Variants in FRMD4A observed in about 807,000 individuals in gnomAD.
FRMD4A encodes the protein FERM domain-containing protein 4A.
A neutral mutation model predicts 129.1 loss-of-function variants in FRMD4A; 29 were observed. That is an observed-to-expected ratio of 0.22 (90% CI 0.17 to 0.31). FRMD4A has a LOEUF of 0.31. Ranked by LOEUF, FRMD4A falls within the 10% of genes least tolerant of loss-of-function variation. FRMD4A has a pLI of 1.00. For missense variants in FRMD4A, 1,272 were observed against 1,375.8 expected, an observed-to-expected ratio of 0.92 and a Z score of 1.19; for synonymous variants, 634 against 571.6, an observed-to-expected ratio of 1.11 and a Z score of -1.56.
chr10:13,865,408 GTTTTATTTTATTTTATTTTATTTTA>G (rs56008576), intron 2 of FRMD4A, among the ~76,000 whole-genome samples: 10 of 127,100 alleles, frequency 7.9e-5, no homozygotes, highest in African/African-American at 1.7e-4. Flanking sequence ...TATTTTATTT[GTTTTATTTTATTTTATTTTATTTTA>G]TTTTATTTTA....
At chr10:13,740,120 A>G (rs1207279081) in intron 11 of FRMD4A, 74 bp downstream of exon 11, 1 of 877,454 alleles carries the variant, frequency 1.1e-6, no homozygotes, top group East Asian at 2.4e-5. Flanking sequence ...AAAAAGAAGA[A>G]AACATATAAC....
At chr10:13,819,204 G>A (rs1034103985) in intron 3 of FRMD4A, among the ~76,000 whole-genome samples, 6 of 152,020 alleles carry the variant, frequency 3.9e-5, no homozygotes, top group Non-Finnish European at 7.4e-5. Flanking sequence ...TGGTATTTAA[G>A]ACCACCCTAT....
intron 2 of FRMD4A, among the ~76,000 whole-genome samples, chr10:13,933,137 G>C (rs2095216504): frequency 6.6e-6 from 1 of 151,390 alleles, no homozygotes; most frequent in African/African-American, 2.4e-5. Context: ...CTACAGCCTG[G>C]ACAAGAGCAA....
intron 2 of FRMD4A, among the ~76,000 whole-genome samples, chr10:14,282,780 T>C (rs904330262): frequency 2.0e-5 from 3 of 152,158 alleles, no homozygotes; most frequent in African/African-American, 7.2e-5. Context: ...GATTGATCAT[T>C]TAGCTGTGGT....
intron 2 of FRMD4A, among the ~76,000 whole-genome samples, chr10:13,877,116 C>T (rs779511909): frequency 7.2e-5 from 11 of 152,278 alleles, no homozygotes; most frequent in Non-Finnish European, 1.5e-4. Flanking sequence ...TAGTCATAAT[C>T]TCCATTGCCT....
At chr10:13,792,115 G>A (rs1270059740) in intron 5 of FRMD4A, among the ~76,000 whole-genome samples, 1 of 152,118 alleles carries the variant, frequency 6.6e-6, no homozygotes, top group African/African-American at 2.4e-5. Flanking sequence ...TCCCTGTGCA[G>A]GGGCACTCTG....
rs568818717 is a variant in FRMD4A, at chr10:13,828,535, C to CT, written c.112-17628dup. On this transcript the variant is annotated intron_variant, in intron 3 of 24. Transcript: ENST00000357447. ...ACCATGTTTTCTTCTTTCTTTCTTT[C>CT]TTTTTTTTTTTTTTGAGACGGAGTT... 5.6e-3 allele frequency among the ~76,000 whole-genome samples: 760 copies of CT among 135,232 alleles called. 5 individuals carry two copies. Among genetic ancestry groups the CT allele is most frequent in the African/African-American group, 0.017 (623 of 36,716 alleles). 88.7% of individuals were successfully genotyped at this position (135,232 alleles called of 152,430 possible). A position where few individuals can be genotyped will look rare whatever the true frequency, so the allele number is the denominator to read the frequency against.
At chr10:13,814,750 T>C (rs932416589) in intron 3 of FRMD4A, among the ~76,000 whole-genome samples, 1 of 151,978 alleles carries the variant, frequency 6.6e-6, no homozygotes, top group South Asian at 2.1e-4. Flanking sequence ...CAGAGATACA[T>C]AAGTTTGCCC....
At chr10:14,109,211 G>GA (rs34937254) in intron 2 of FRMD4A, among the ~76,000 whole-genome samples, 1,471 of 114,224 alleles carry the variant, frequency 0.013, 17 homozygotes, top group African/African-American at 0.032. Context: ...AAGCATCTCA[G>GA]AAAAAAAAAA....
intron 2 of FRMD4A, among the ~76,000 whole-genome samples, chr10:14,298,424 G>A (rs566607635): frequency 6.6e-6 from 1 of 152,294 alleles, no homozygotes; most frequent in South Asian, 2.1e-4. Flanking sequence ...CTGGCCCTCA[G>A]TCTCTGTGTG....
At chr10:13,870,274 C>G (rs188331673) in intron 2 of FRMD4A, among the ~76,000 whole-genome samples, 1 of 152,212 alleles carries the variant, frequency 6.6e-6, no homozygotes, top group Non-Finnish European at 1.5e-5. Flanking sequence ...CTGTGAAAGA[C>G]GACTGTCTGA....
chr10:14,170,272 TG>T (rs1403219545), intron 2 of FRMD4A, among the ~76,000 whole-genome samples: 1 of 152,224 alleles, frequency 6.6e-6, no homozygotes, highest in African/African-American at 2.4e-5. Context: ...TAGCTCTGTG[TG>T]GCTGACTATT....
At chr10:13,738,258 T>G (rs949476348) in intron 11 of FRMD4A, among the ~76,000 whole-genome samples, 1 of 152,158 alleles carries the variant, frequency 6.6e-6, no homozygotes, top group Non-Finnish European at 1.5e-5. Context: ...TTCTAAGAAT[T>G]TAGGCATTCC....
rs78139174 is a variant in FRMD4A at position 14,324,983 on chromosome 10, T to G, written c.45+5075A>C. ...GCCTGTATCTAAATTTTATCGCAAA[T>G]TATCTGAGTCATCTTGGGCAAGCCC... On this transcript the variant is annotated intron_variant, in intron 2 of 24. Transcript: ENST00000357447. Among the ~76,000 whole-genome samples the G allele has an allele frequency of 9.0e-3, 1,363 of 152,282 alleles. 18 individuals are homozygous for G. The highest frequency in any genetic ancestry group is 0.031 in the African/African-American group (1,300 of 41,564).
Position 13,664,574 on chromosome 10 carries a change from T to G in FRMD4A, c.1604-1065A>C, listed in dbSNP as rs571027449. On this transcript the variant is annotated intron_variant, in intron 18 of 24. Coordinates refer to ENST00000357447, the MANE Select transcript of FRMD4A (RefSeq NM_018027.5). The stretch of plus-strand genomic sequence containing the variant: ...ACCAGGAGCTCTGACTTCGGCATCT[T>G]GGAATCTTCAGCACATCACTGCTAC... Among the ~76,000 whole-genome samples the G allele has an allele frequency of 4.6e-5, 7 of 152,354 alleles. No individual in the cohort carries two copies. In the East Asian group the frequency reaches 9.6e-4, roughly 21 times the overall value.
chr10:13,905,300 C>T (rs1367087498), intron 2 of FRMD4A, among the ~76,000 whole-genome samples: 3 of 152,172 alleles, frequency 2.0e-5, no homozygotes, highest in Admixed American at 1.3e-4. Flanking sequence ...TCCCTAGTCT[C>T]TCCTTTGTAA....
rs1298851030 is a variant in FRMD4A at position 13,660,350 on chromosome 10, T to C, written c.1864A>G (p.Lys622Glu). Reference sequence around the variant, plus strand: ...CTGTGAGAGGAGCGCTTCTTGACCTTCTCATAGGGTTCATCTAAAGAGGAC... The same window carrying C: ...CTGTGAGAGGAGCGCTTCTTGACCTCCTCATAGGGTTCATCTAAAGAGGAC... ...SESSLDEPYE[K>E]VKKRSSHSHS... Residue 622 changes from lysine to glutamate, a missense_variant, in exon 20 of 25, where the codon AAG (lysine) becomes GAG (glutamate). Lys to Glu is a moderately conservative substitution (Grantham distance 56, BLOSUM62 1). Around this residue, in one of 2 missense-constraint regions of FRMD4A, gnomAD observed 972 missense variants for 892.3 expected, o/e 1.09. Transcript: ENST00000357447. 5.0e-6 allele frequency: 8 copies of C among 1,613,942 alleles called. No homozygotes were observed. Among genetic ancestry groups the C allele is most frequent in the Non-Finnish European group, 8.5e-7 (1 of 1,179,852 alleles).
At chr10:13,905,631 C>T (rs534057875) in intron 2 of FRMD4A, among the ~76,000 whole-genome samples, 12 of 152,094 alleles carry the variant, frequency 7.9e-5, no homozygotes, top group Admixed American at 1.3e-4. Context: ...GCACATTACA[C>T]GCATTATCTA....
chr10:13,994,939 C>G (rs4575154), intron 2 of FRMD4A, among the ~76,000 whole-genome samples: 1 of 151,890 alleles, frequency 6.6e-6, no homozygotes, highest in Admixed American at 6.6e-5. Context: ...AATGCCTCTA[C>G]GAGGTTGTAT....
Sources: gnomAD v4.1 joint callset for allele counts (sites outside exome capture counted in the v4.1 genomes callset) on GRCh38, gnomAD v4.1.1 for gene constraint, gnomAD v4.1.1 regional missense constraint, MANE v1.5 for transcripts, NCBI Gene and HGNC (gene_info 2026-07-23, HGNC 2026-07-21) for gene names.